PPM1H: variants seen among roughly 807,000 people sequenced by gnomAD.
PPM1H encodes protein phosphatase, Mg2+/Mn2+ dependent 1H.
Under a neutral mutation model 54.9 loss-of-function variants are expected in PPM1H, and 27 were observed. The observed-to-expected ratio is 0.49, with a 90% CI of 0.36 to 0.68. The LOEUF (loss-of-function observed/expected upper bound fraction) is 0.68, where lower values mean the gene tolerates loss of function less well. PPM1H is among the 30% of genes least tolerant of loss of function. The pLI, the probability that PPM1H is intolerant of heterozygous loss-of-function variation, is 0.00. For synonymous variants in PPM1H, 305 were observed against 270.8 expected (o/e 1.13, Z -1.24); for missense variants, 596 against 667.8 (o/e 0.89, Z 1.19).
At chr12:62,712,693 T>C (rs2076214098) in intron 6 of PPM1H, among the ~76,000 whole-genome samples, 1 of 152,202 alleles carries the variant, frequency 6.6e-6, no homozygotes, top group East Asian at 1.9e-4. Context: ...ATGTAGGCTT[T>C]CTAAGGTAGG....
At chr12:62,916,582 T>A (rs1383593520) in intron 1 of PPM1H, among the ~76,000 whole-genome samples, 1 of 151,916 alleles carries the variant, frequency 6.6e-6, no homozygotes, top group Non-Finnish European at 1.5e-5. Flanking sequence ...AATAAATATA[T>A]CTCAGGAAAA....
At chr12:62,913,802 G>T (rs952331392) in intron 1 of PPM1H, among the ~76,000 whole-genome samples, 1 of 152,098 alleles carries the variant, frequency 6.6e-6, no homozygotes, top group African/African-American at 2.4e-5. Context: ...CCGGGTTCAA[G>T]CGATTCTCCT....
chr12:62,888,036 G>T (rs1870653601), intron 1 of PPM1H, among the ~76,000 whole-genome samples: 1 of 152,208 alleles, frequency 6.6e-6, no homozygotes, highest in African/African-American at 2.4e-5. Context: ...TCTGGGAGCT[G>T]AATGTGGTAT....
intron 4 of PPM1H, among the ~76,000 whole-genome samples, chr12:62,776,238 C>G (rs1452548308): frequency 1.3e-5 from 2 of 152,128 alleles, no homozygotes; most frequent in Non-Finnish European, 2.9e-5. Flanking sequence ...GTTTCATCTG[C>G]CAGAACATTT....
chr12:62,877,397 T>A (rs1279487270), intron 1 of PPM1H, among the ~76,000 whole-genome samples: 1 of 152,148 alleles, frequency 6.6e-6, no homozygotes, highest in Non-Finnish European at 1.5e-5. Context: ...TACAGAGCAG[T>A]CAGTGCTCTC....
intron 6 of PPM1H, among the ~76,000 whole-genome samples, chr12:62,697,581 A>G (rs938176797): frequency 1.3e-5 from 2 of 152,122 alleles, no homozygotes; most frequent in African/African-American, 4.8e-5. Context: ...TGTCAAGGCT[A>G]TAGGCTTGAA....
chr12:62,812,794 G>T, intron 2 of PPM1H, among the ~76,000 whole-genome samples: 1 of 141,622 alleles, frequency 7.1e-6, no homozygotes, highest in South Asian at 2.4e-4. Flanking sequence ...AGAACTTAAT[G>T]AGTTCTAACT....
At chr12:62,835,182 A>G (rs73135681) in intron 1 of PPM1H, among the ~76,000 whole-genome samples, 11 of 152,300 alleles carry the variant, frequency 7.2e-5, no homozygotes, top group African/African-American at 2.6e-4. Flanking sequence ...TCCAACAGAC[A>G]ACAAAGCTAC....
At chr12:62,885,276 G>T (rs79727548) in intron 1 of PPM1H, among the ~76,000 whole-genome samples, 2,095 of 152,120 alleles carry the variant, frequency 0.014, 20 homozygotes, top group Non-Finnish European at 0.022. Context: ...CATATCAGAG[G>T]GCCCTGTTTT....
At chr12:62,674,790 G>T (rs1365324721) in intron 8 of PPM1H, among the ~76,000 whole-genome samples, 1 of 152,244 alleles carries the variant, frequency 6.6e-6, no homozygotes, top group East Asian at 1.9e-4. Flanking sequence ...GCTAAAGCCT[G>T]GGGATGTGAG....
At chr12:62,765,785 T>C (rs1033793569) in intron 4 of PPM1H, among the ~76,000 whole-genome samples, 1 of 152,192 alleles carries the variant, frequency 6.6e-6, no homozygotes, top group Non-Finnish European at 1.5e-5. Flanking sequence ...GAAGTGATGC[T>C]GAAGCTGAAT....
intron 1 of PPM1H, among the ~76,000 whole-genome samples, chr12:62,873,042 G>A (rs1345980217): frequency 1.3e-5 from 2 of 152,036 alleles, no homozygotes; most frequent in Non-Finnish European, 2.9e-5. Context: ...TTATAATAAG[G>A]AAGCAAAAAA....
chr12:62,686,814 T>C (rs1284731295), intron 8 of PPM1H, among the ~76,000 whole-genome samples: 3 of 152,210 alleles, frequency 2.0e-5, no homozygotes, highest in African/African-American at 7.2e-5. Flanking sequence ...GTTTTCTCTT[T>C]CAGTGGCTTC....
At chr12:62,685,049 G>A (rs1218805851) in intron 8 of PPM1H, among the ~76,000 whole-genome samples, 2 of 152,022 alleles carry the variant, frequency 1.3e-5, no homozygotes, top group African/African-American at 4.8e-5. Context: ...TGGCTCTGGT[G>A]GAGGCCTCTC....
In PPM1H at chr12:62,688,845, A is replaced by C. The variant is rs146620148; in HGVS notation, c.1245+854T>G. On this transcript the variant is annotated intron_variant, in intron 8 of 9. Transcript: ENST00000228705. ...ACCCTGTCTCTACTAAAAATACAAAAATTAGCTGGGTATGGTGGTGTGTGC... is the reference window on the plus strand; with the variant it reads ...ACCCTGTCTCTACTAAAAATACAAACATTAGCTGGGTATGGTGGTGTGTGC... 8.0e-3 allele frequency among the ~76,000 whole-genome samples: 1,210 copies of C among 152,192 alleles called. 26 individuals are homozygous for C. Among genetic ancestry groups the C allele is most frequent in the African/African-American group, 0.028 (1,154 of 41,502 alleles).
rs1205735334 is a variant in PPM1H, at chr12:62,648,539, C to T, written c.1495G>A (p.Asp499Asn). The T allele has an allele frequency of 1.3e-5, 21 of 1,613,844 alleles. No individual in the cohort carries two copies. Among genetic ancestry groups the T allele is most frequent in the Non-Finnish European group, 1.6e-5 (19 of 1,179,892 alleles). Residue 499 changes from aspartate (D) to asparagine (N), a missense_variant, in exon 10 of 10, where the codon GAC (aspartate) becomes AAC (asparagine). By Grantham distance (23) the Asp-to-Asn change is conservative. Around this residue, in one of 3 missense-constraint regions of PPM1H, gnomAD observed 208 missense variants for 259.5 expected, o/e 0.80. Coordinates refer to ENST00000228705, the MANE Select transcript of PPM1H (RefSeq NM_020700.2). ...AAAGGAATGACATATACAGAAATGTCGTCTCCTGAGCCCAGTCGGTCATTA... is the reference window on the plus strand; with the variant it reads ...AAAGGAATGACATATACAGAAATGTTGTCTCCTGAGCCCAGTCGGTCATTA... ...ISNDRLGSGDDISVYVIPLIH... is the reference protein window; with the variant it reads ...ISNDRLGSGDNISVYVIPLIH...
intron 1 of PPM1H, among the ~76,000 whole-genome samples, chr12:62,907,490 C>T (rs1871335121): frequency 6.6e-6 from 1 of 152,188 alleles, no homozygotes; most frequent in Non-Finnish European, 1.5e-5. Flanking sequence ...TTCTCTGCCC[C>T]ACTCTTTTTA....
Position 62,918,137 on chromosome 12 carries a change from A to G in PPM1H, c.245+16355T>C, listed in dbSNP as rs141865116. Among the ~76,000 whole-genome samples, 334 of 152,324 alleles carry G rather than the reference A, an allele frequency of 2.2e-3. 3 individuals are homozygous for G. The highest frequency in any genetic ancestry group is 7.4e-3 in the African/African-American group (306 of 41,574). Reference sequence around the variant, plus strand: ...ATGACCTAACTTTATGAATATGCAAACTGAGGATTTAAAAAGTGAGGCTGC... The same window carrying G: ...ATGACCTAACTTTATGAATATGCAAGCTGAGGATTTAAAAAGTGAGGCTGC... On this transcript the variant is annotated intron_variant, in intron 1 of 9. Transcript: ENST00000228705.
chr12:62,726,307 A>G (rs536331416), intron 5 of PPM1H, among the ~76,000 whole-genome samples: 2 of 152,350 alleles, frequency 1.3e-5, no homozygotes, highest in Admixed American at 6.5e-5. Context: ...TTTTTGTGCA[A>G]TCATAAAAGT....
Sources: allele counts gnomAD v4.1 joint callset (sites outside exome capture counted in the v4.1 genomes callset), GRCh38; gene constraint gnomAD v4.1.1; regional missense constraint gnomAD v4.1.1; transcripts MANE v1.5; gene names NCBI Gene and HGNC (gene_info 2026-07-23, HGNC 2026-07-21).